Variants in FBLN5 observed in about 807,000 individuals in gnomAD.
FBLN5 encodes fibulin-5.
Under a neutral mutation model 61.6 loss-of-function variants are expected in FBLN5, and 24 were observed. The observed-to-expected ratio is 0.39, with a 90% confidence interval of 0.28 to 0.55. The LOEUF (loss-of-function observed/expected upper bound fraction) is 0.55, where lower values mean the gene tolerates loss of function less well. Ranked by LOEUF, FBLN5 falls within the 20% of genes least tolerant of loss-of-function variation. The pLI, the probability that FBLN5 is intolerant of heterozygous loss-of-function variation, is 0.65. For synonymous variants in FBLN5, 213 were observed against 219.8 expected (o/e 0.97, Z 0.27); for missense variants, 470 against 594.1 (o/e 0.79, Z 2.17).
chr14:91,901,080 A>G (rs1206961332), intron 4 of FBLN5, among the ~76,000 whole-genome samples: 1 of 152,204 alleles, frequency 6.6e-6, no homozygotes, highest in Non-Finnish European at 1.5e-5. Context: ...CTCTGCACCC[A>G]GGCATCTCTG....
intron 4 of FBLN5, among the ~76,000 whole-genome samples, chr14:91,903,642 C>T (rs1450823182): frequency 2.0e-5 from 3 of 152,104 alleles, no homozygotes; most frequent in Non-Finnish European, 4.4e-5. Flanking sequence ...CTCCCACCTG[C>T]TCCCCACACC....
At chr14:91,941,995 G>A in intron 2 of FBLN5, 3 of 358,880 alleles carry the variant, frequency 8.4e-6, no homozygotes, top group South Asian at 4.2e-5. Context: ...GCCTGAATAT[G>A]CTTCAAAATT....
Position 91,870,025 on chromosome 14 carries a change from A to G in FBLN5, c.*199T>C. ...ACTTTTTGATAACTGTGTCATAGGAACTGGGGGTGGCAAGTCCTGCAGGGT... is the reference window on the plus strand; with the variant it reads ...ACTTTTTGATAACTGTGTCATAGGAGCTGGGGGTGGCAAGTCCTGCAGGGT... On this transcript the variant is annotated 3_prime_UTR_variant, in exon 11 of 11. Transcript: ENST00000342058. The G allele has an allele frequency of 1.6e-6, 1 of 632,356 alleles. No individual in the cohort carries two copies. Among genetic ancestry groups the G allele is most frequent in the Non-Finnish European group, 2.9e-6 (1 of 346,824 alleles). 39.2% of individuals were successfully genotyped at this position (632,356 alleles called of 1,614,324 possible). A position where few individuals can be genotyped will look rare whatever the true frequency, so the allele number is the denominator to read the frequency against.
At chr14:91,878,424 CT>C (rs993186091) in intron 9 of FBLN5, among the ~76,000 whole-genome samples, 14 of 152,324 alleles carry the variant, frequency 9.2e-5, no homozygotes, top group African/African-American at 3.1e-4. Context: ...TGATTCACCC[CT>C]AACACCCCCT....
chr14:91,881,441 A>C (rs1441760953), intron 8 of FBLN5, 23 bp from the exon 9 acceptor site: 1 of 1,613,978 alleles, frequency 6.2e-7, no homozygotes, highest in Admixed American at 1.7e-5. Context: ...GGAGACAAGA[A>C]GCGGAGGCAG....
At chr14:91,880,239 T>C (rs1889357460) in intron 9 of FBLN5, among the ~76,000 whole-genome samples, 1 of 152,060 alleles carries the variant, frequency 6.6e-6, no homozygotes, top group South Asian at 2.1e-4. Flanking sequence ...TCCAGGGAGA[T>C]TGGAAGCATT....
intron 4 of FBLN5, among the ~76,000 whole-genome samples, chr14:91,899,106 T>C (rs1890349889): frequency 6.6e-6 from 1 of 151,864 alleles, no homozygotes; most frequent in African/African-American, 2.4e-5. Flanking sequence ...CCGGCCCCCA[T>C]TCATTCATTC....
At chr14:91,901,547 A>G (rs905863604) in intron 4 of FBLN5, among the ~76,000 whole-genome samples, 55 of 152,188 alleles carry the variant, frequency 3.6e-4, no homozygotes, top group African/African-American at 1.3e-3. Flanking sequence ...TACACCTCCA[A>G]GTGAAGCCAG....
At chr14:91,899,170 C>T (rs919165341) in intron 4 of FBLN5, among the ~76,000 whole-genome samples, 3 of 151,992 alleles carry the variant, frequency 2.0e-5, no homozygotes, top group Admixed American at 6.6e-5. Flanking sequence ...GTGTCCTCCC[C>T]AGCCTCCATG....
intron 7 of FBLN5, among the ~76,000 whole-genome samples, chr14:91,883,634 A>T (rs1237788532): frequency 9.7e-6 from 1 of 102,674 alleles, no homozygotes; most frequent in Non-Finnish European, 1.9e-5. Flanking sequence ...TTATATTAAA[A>T]CTTCACTGTG....
At chr14:91,926,975 C>T (rs1283475243) in intron 4 of FBLN5, among the ~76,000 whole-genome samples, 2 of 152,132 alleles carry the variant, frequency 1.3e-5, no homozygotes, top group African/African-American at 4.8e-5. Flanking sequence ...GATTCGAACC[C>T]ACGTCTGTGT....
chr14:91,904,262 G>C (rs769620252), intron 4 of FBLN5, among the ~76,000 whole-genome samples: 4 of 152,138 alleles, frequency 2.6e-5, no homozygotes, highest in African/African-American at 4.8e-5. Flanking sequence ...AGACTCTTCC[G>C]AAAGCAAGAG....
intron 4 of FBLN5, among the ~76,000 whole-genome samples, chr14:91,929,080 A>AACACACAC (rs113397883): frequency 1.4e-5 from 2 of 143,284 alleles, no homozygotes; most frequent in East Asian, 4.1e-4. Context: ...CCTGTCTCAA[A>AACACACAC]ACACACACAC....
At chr14:91,875,857 G>A (rs1488256837) in intron 10 of FBLN5, among the ~76,000 whole-genome samples, 1 of 152,184 alleles carries the variant, frequency 6.6e-6, no homozygotes, top group East Asian at 1.9e-4. Flanking sequence ...GACTTTTGAC[G>A]TGAGAGAATG....
At position 91,943,594 on chromosome 14, in the gene FBLN5, A is replaced by G. The variant is rs2056140733; in HGVS notation, c.18-633T>C. On this transcript the variant is annotated intron_variant, in intron 1 of 10. Transcript: ENST00000342058. This position sits in a 1 kb window ranked among gnomAD's most constrained non-coding sequence, Gnocchi z 4.0. Reference sequence around the variant, plus strand: ...TTATTCTTTATGCGAGATGTGCTTGACTTTTGAACATCTTTATGCTGACAT... The same window carrying G: ...TTATTCTTTATGCGAGATGTGCTTGGCTTTTGAACATCTTTATGCTGACAT... Among the ~76,000 whole-genome samples the G allele has an allele frequency of 6.6e-6, 1 of 151,874 alleles. No individual in the cohort carries two copies. Among genetic ancestry groups the G allele is most frequent in the African/African-American group, 2.4e-5 (1 of 41,310 alleles).
At chr14:91,898,483 G>A (rs1890316809) in intron 4 of FBLN5, among the ~76,000 whole-genome samples, 1 of 152,088 alleles carries the variant, frequency 6.6e-6, no homozygotes, top group Admixed American at 6.6e-5. Flanking sequence ...GGCTTTCTCG[G>A]GGGGAGGCTG....
intron 3 of FBLN5, 137 bp from the exon 4 acceptor site, chr14:91,937,338 G>T: frequency 1.8e-6 from 2 of 1,108,000 alleles, no homozygotes; most frequent in Non-Finnish European, 1.3e-6. Flanking sequence ...ATCGCGGTAA[G>T]GTACCCCAAA....
chr14:91,904,891 G>A (rs1315450232), intron 4 of FBLN5, among the ~76,000 whole-genome samples: 1 of 152,142 alleles, frequency 6.6e-6, no homozygotes, highest in Non-Finnish European at 1.5e-5. Context: ...CTTTCCTCCT[G>A]GGACAGCTTG....
intron 6 of FBLN5, among the ~76,000 whole-genome samples, chr14:91,887,625 A>T (rs916088317): frequency 1.3e-5 from 2 of 152,100 alleles, no homozygotes; most frequent in African/African-American, 4.8e-5. Flanking sequence ...CACCCCCCCA[A>T]CCAGGAATTT....
Sources: allele counts gnomAD v4.1 joint callset (sites outside exome capture counted in the v4.1 genomes callset), GRCh38; gene constraint gnomAD v4.1.1; non-coding constraint Gnocchi (gnomAD v3.1); transcripts MANE v1.5; gene names NCBI Gene and HGNC (gene_info 2026-07-23, HGNC 2026-07-21).